The following CEP128 variants were observed in gnomAD, a reference collection of about 807,000 sequenced individuals.
CEP128 encodes the protein centrosomal protein 128kDa.
Under a neutral mutation model 156.7 loss-of-function variants are expected in CEP128, and 132 were observed. The observed-to-expected ratio is 0.84, with a 90% CI of 0.73 to 0.97. The LOEUF is 0.97. Among genes scored for constraint, CEP128 ranks in the 50% least tolerant of loss-of-function variants. The pLI is 0.00. For missense variants in CEP128, 1,252 were observed against 1,281.9 expected (o/e 0.98, Z 0.36); for synonymous variants, 469 against 448.9 (o/e 1.04, Z -0.57).
chr14:80,488,170 G>A (rs1353296934), downstream of CEP128, among the ~76,000 whole-genome samples: 4 of 73,262 alleles, frequency 5.5e-5, no homozygotes, highest in Non-Finnish European at 7.4e-5. Flanking sequence ...TCAAACAGAT[G>A]CAATAAAAAA....
chr14:80,650,321 G>A (rs894060004), intron 19 of CEP128, among the ~76,000 whole-genome samples: 1 of 152,176 alleles, frequency 6.6e-6, no homozygotes, highest in African/African-American at 2.4e-5. Context: ...TTTGGGCTGA[G>A]ACGATGGGGT....
chr14:80,806,577 T>A (rs905085830), intron 13 of CEP128, among the ~76,000 whole-genome samples: 14 of 152,200 alleles, frequency 9.2e-5, no homozygotes, highest in South Asian at 2.1e-4. Flanking sequence ...ATGTTTAAAG[T>A]AGGCACTTTG....
chr14:80,723,728 T>C (rs1897909382), intron 19 of CEP128, among the ~76,000 whole-genome samples: 1 of 152,200 alleles, frequency 6.6e-6, no homozygotes, highest in African/African-American at 2.4e-5. Context: ...GGTGCTATTA[T>C]GTTCCTGGAA....
intron 19 of CEP128, among the ~76,000 whole-genome samples, chr14:80,740,192 C>G (rs758230001): frequency 8.6e-5 from 13 of 151,720 alleles, no homozygotes; most frequent in Non-Finnish European, 1.9e-4. Context: ...TTCAGTTGTT[C>G]AACAAATATT....
In CEP128 at chr14:80,559,148, T is replaced by C. The variant is rs1890562362; in HGVS notation, c.2880+131A>G. On this transcript the variant is annotated intron_variant, in intron 21 of 24. Coordinates refer to ENST00000555265, the MANE Select transcript of CEP128 (RefSeq NM_152446.5). ...ACCTTTTAGATACAGTTTAGCTTGT[T>C]TTCCCCTTTGACATCTTAGATGTAG... 5 of 799,038 alleles carry C rather than the reference T, an allele frequency of 6.3e-6. No individual in the cohort carries two copies. In the Admixed American group the frequency reaches 1.0e-4, roughly 17 times the overall value. 49.5% of individuals were successfully genotyped at this position (799,038 alleles called of 1,614,324 possible).
intron 8 of CEP128, among the ~76,000 whole-genome samples, chr14:80,871,165 T>C (rs1405273053): frequency 6.6e-6 from 1 of 151,842 alleles, no homozygotes; most frequent in Non-Finnish European, 1.5e-5. Flanking sequence ...CTATAGACCA[T>C]GGTAAAGAAT....
At chr14:80,778,392 C>A (rs1006595795) in intron 15 of CEP128, among the ~76,000 whole-genome samples, 1 of 152,126 alleles carries the variant, frequency 6.6e-6, no homozygotes, top group Non-Finnish European at 1.5e-5. Flanking sequence ...AGAAGAGACA[C>A]CAGCTCTGCT....
intron 10 of CEP128, 135 bp downstream of exon 10, chr14:80,840,547 C>T: frequency 1.8e-6 from 1 of 554,392 alleles, no homozygotes; most frequent in South Asian, 2.6e-5. Context: ...AGCCGTTGAA[C>T]CAATTGACTC....
intron 21 of CEP128, among the ~76,000 whole-genome samples, chr14:80,556,004 C>CT (rs1157166242): frequency 1.3e-5 from 2 of 152,010 alleles, no homozygotes; most frequent in African/African-American, 4.8e-5. Flanking sequence ...ATTTACTTTC[C>CT]TTTTTTCTTC....
At chr14:80,900,555 C>T (rs911965628) in intron 6 of CEP128, among the ~76,000 whole-genome samples, 1 of 152,202 alleles carries the variant, frequency 6.6e-6, no homozygotes, top group African/African-American at 2.4e-5. Context: ...AACTCTTCCT[C>T]ATGTACACTT....
chr14:80,738,882 C>T (rs891521399), intron 19 of CEP128, among the ~76,000 whole-genome samples: 8 of 152,202 alleles, frequency 5.3e-5, no homozygotes, highest in African/African-American at 1.9e-4. Flanking sequence ...ATGCTCACAG[C>T]CATGTATATG....
intron 20 of CEP128, among the ~76,000 whole-genome samples, chr14:80,561,090 T>C (rs1442141380): frequency 6.6e-6 from 1 of 152,116 alleles, no homozygotes. Flanking sequence ...TCACATGAAA[T>C]AGAGGGCTCA....
chr14:80,514,906 C>T (rs544819787), intron 23 of CEP128, among the ~76,000 whole-genome samples: 8 of 152,130 alleles, frequency 5.3e-5, no homozygotes, highest in African/African-American at 1.9e-4. Flanking sequence ...GTGTTGTGAT[C>T]TAAGTCTTTG....
At chr14:80,773,035 G>T (rs148578449) in intron 16 of CEP128, among the ~76,000 whole-genome samples, 78 of 152,246 alleles carry the variant, frequency 5.1e-4, no homozygotes, top group African/African-American at 1.8e-3. Context: ...GATTATGGGT[G>T]GATTAAAGGA....
intron 18 of CEP128, among the ~76,000 whole-genome samples, chr14:80,744,649 T>C (rs986828508): frequency 1.3e-5 from 2 of 152,172 alleles, no homozygotes. Context: ...CCACTCCTCA[T>C]TTCAGAAAAA....
At chr14:80,755,561 C>T (rs372977453) in intron 18 of CEP128, among the ~76,000 whole-genome samples, 1 of 152,190 alleles carries the variant, frequency 6.6e-6, no homozygotes, top group Admixed American at 6.5e-5. Context: ...ACTAACAGAA[C>T]AAATTCATTT....
At chr14:80,557,197 C>T (rs1032402642) in intron 21 of CEP128, among the ~76,000 whole-genome samples, 1 of 152,066 alleles carries the variant, frequency 6.6e-6, no homozygotes, top group African/African-American at 2.4e-5. Flanking sequence ...TAGATAAAAA[C>T]AATTAACAAA....
chr14:80,772,741 G>A (rs1441787146), intron 16 of CEP128, among the ~76,000 whole-genome samples: 1 of 152,120 alleles, frequency 6.6e-6, no homozygotes, highest in Non-Finnish European at 1.5e-5. Context: ...TCCCATAAGA[G>A]GTTTCAGTGT....
At chr14:80,745,290 G>T (rs548434233) in intron 18 of CEP128, among the ~76,000 whole-genome samples, 1 of 151,986 alleles carries the variant, frequency 6.6e-6, no homozygotes, top group East Asian at 1.9e-4. Context: ...GTTTCCTGAG[G>T]CCTCCCCAAC....
Sources: gnomAD v4.1 joint callset for allele counts (sites outside exome capture counted in the v4.1 genomes callset) on GRCh38, gnomAD v4.1.1 for gene constraint, MANE v1.5 for transcripts, NCBI Gene and HGNC (gene_info 2026-07-23, HGNC 2026-07-21) for gene names.